Variants in DNAJB1 observed in about 807,000 individuals in gnomAD.
DNAJB1 encodes the protein DnaJ heat shock protein family (Hsp40) member B1.
DNAJB1 carries 14 observed loss-of-function variants against 24.0 expected under a neutral mutation model. That is an observed-to-expected ratio of 0.58 (90% CI 0.39 to 0.91). DNAJB1 has a LOEUF of 0.91. DNAJB1 is among the 40% of genes least tolerant of loss of function. The probability of loss-of-function intolerance (pLI) is 0.00; values close to 1 mark genes in which losing one functional copy is unlikely to be tolerated. For synonymous variants in DNAJB1, 262 were observed against 174.4 expected, an observed-to-expected ratio of 1.50 and a Z score of -3.96; for missense variants, 517 against 458.1, an observed-to-expected ratio of 1.13 and a Z score of -1.17.
intron 2 of DNAJB1, among the ~76,000 whole-genome samples, chr19:14,525,361 A>G (rs1348277966): frequency 6.6e-6 from 1 of 151,374 alleles, no homozygotes; most frequent in Non-Finnish European, 1.5e-5. Flanking sequence ...GAGTCTCATG[A>G]GCGAATGTTT....
intron 1 of DNAJB1, among the ~76,000 whole-genome samples, chr19:14,535,777 A>AAAAAAG (rs1051355864): frequency 7.0e-5 from 10 of 142,336 alleles, no homozygotes; most frequent in Non-Finnish European, 1.4e-4. Context: ...AAAAAAAAAA[A>AAAAAAG]GGGAAAGTGG....
At chr19:14,542,347 GTTTTTTT>G (rs71166754) in intron 1 of DNAJB1, among the ~76,000 whole-genome samples, 29 of 43,276 alleles carry the variant, frequency 6.7e-4, no homozygotes, top group African/African-American at 1.8e-3. Flanking sequence ...ATGCCATAGT[GTTTTTTT>G]TTTTTTTTTT....
chr19:14,543,411 ATATATATATTTTTTTTTTTTTTTT>A (rs1296141237), intron 1 of DNAJB1, among the ~76,000 whole-genome samples: 25 of 9,124 alleles, frequency 2.7e-3, no homozygotes, highest in African/African-American at 8.3e-3. Flanking sequence ...ATATATATAT[ATATATATATTTTTTTTTTTTTTTT>A]TTTTTTTTTT....
chr19:14,533,429 AAAG>A (rs2072748359), upstream of DNAJB1, among the ~76,000 whole-genome samples: 1 of 152,150 alleles, frequency 6.6e-6, no homozygotes, highest in African/African-American at 2.4e-5. Context: ...TCAAAAAAAA[AAAG>A]AAAAAAATCT....
At chr19:14,522,671 G>GACACAC (rs1185246122), upstream of DNAJB1, among the ~76,000 whole-genome samples, 1 of 63,040 alleles carries the variant, frequency 1.6e-5, no homozygotes, top group Admixed American at 1.7e-4. Context: ...CACAAACACA[G>GACACAC]ACACACACAC....
At position 14,518,165 on chromosome 19, in the gene DNAJB1, T is replaced by A. The variant is rs763763598; in HGVS notation, c.185A>T (p.Glu62Val). 6.3e-7 allele frequency: 1 copy of A among 1,584,840 alleles called. No individual in the cohort carries two copies. Among genetic ancestry groups the A allele is most frequent in the East Asian group, 2.4e-5 (1 of 41,756 alleles). Residue 62 changes from glutamate to valine, a missense_variant, in exon 1 of 3, where the codon GAG becomes GTG. Transcript: ENST00000254322. ...YDVLSDPRKR[E>V]IFDRYGEEGL... ...TTCCTCCCCGTAGCGGTCGAAGATC[T>A]CGCGCTTGCGCGGGTCGCTGAGCAC...
chr19:14,518,077 G>C (rs148620822), intron 1 of DNAJB1, 62 bp downstream of exon 1: 1 of 1,371,726 alleles, frequency 7.3e-7, no homozygotes, highest in African/African-American at 1.5e-5. Flanking sequence ...AGAGGGGCCA[G>C]CGTGCCTCAG....
At chr19:14,553,832 G>A (rs1014419954), upstream of DNAJB1, among the ~76,000 whole-genome samples, 1 of 152,138 alleles carries the variant, frequency 6.6e-6, no homozygotes, top group Non-Finnish European at 1.5e-5. Context: ...GCTTGTGCCC[G>A]GCGCGGGGAT....
rs113326487 is a variant in DNAJB1 at position 14,545,546 on chromosome 19, C to CAT, written c.-214+4660_-214+4661dup. 9.6e-3 allele frequency among the ~76,000 whole-genome samples: 1,468 copies of CAT among 152,306 alleles called. 21 individuals carry two copies. The highest frequency in any genetic ancestry group is 0.033 in the African/African-American group (1,392 of 41,568). ...AGCCTCTCTCAGTCGTGCGCACTGT[C>CAT]ATATCCCGGCCCTTGGATCGCTGCC... On this transcript the variant is annotated intron_variant, in intron 1 of 3. Coordinates refer to the DNAJB1 transcript ENST00000676982.
intron 1 of DNAJB1, among the ~76,000 whole-genome samples, chr19:14,544,584 G>A (rs2073238122): frequency 1.3e-5 from 2 of 151,358 alleles, no homozygotes; most frequent in South Asian, 4.2e-4. Flanking sequence ...AGAGGGTTCT[G>A]CTCTTCCATG....
At chr19:14,559,040 C>T (rs936634306) in intron 1 of DNAJB1, among the ~76,000 whole-genome samples, 9 of 152,078 alleles carry the variant, frequency 5.9e-5, no homozygotes, top group South Asian at 4.1e-4. Context: ...GTGTGGGGCG[C>T]GGAGCCCTCG....
chr19:14,553,013 G>A (rs1252684924), upstream of DNAJB1, among the ~76,000 whole-genome samples: 2 of 152,114 alleles, frequency 1.3e-5, no homozygotes, highest in East Asian at 3.9e-4. Context: ...GATGGGTGTA[G>A]GCTGTGGGTA....
chr19:14,532,749 A>T (rs1481895728), upstream of DNAJB1, among the ~76,000 whole-genome samples: 1 of 152,136 alleles, frequency 6.6e-6, no homozygotes, highest in Non-Finnish European at 1.5e-5. Flanking sequence ...GTAGGTCAGT[A>T]AAAATAGAAA....
chr19:14,547,234 T>C (rs531172163), intron 1 of DNAJB1, among the ~76,000 whole-genome samples: 1 of 152,346 alleles, frequency 6.6e-6, no homozygotes, highest in African/African-American at 2.4e-5. Flanking sequence ...GTCCTGTAAA[T>C]GTTTATGTAA....
intron 1 of DNAJB1, among the ~76,000 whole-genome samples, chr19:14,542,347 G>GGGTTTTTTTTTTTT (rs2073124658): frequency 4.6e-5 from 2 of 43,282 alleles, no homozygotes; most frequent in African/African-American, 1.6e-4. Flanking sequence ...ATGCCATAGT[G>GGGTTTTTTTTTTTT]TTTTTTTTTT....
chr19:14,520,605 G>A (rs561667311), upstream of DNAJB1, among the ~76,000 whole-genome samples: 3 of 152,308 alleles, frequency 2.0e-5, no homozygotes, highest in South Asian at 6.2e-4. Flanking sequence ...GACAACCCGG[G>A]AGGATGGGGC....
chr19:14,542,350 T>TTTTTTTTTTG (rs2073128107), intron 1 of DNAJB1, among the ~76,000 whole-genome samples: 1 of 65,684 alleles, frequency 1.5e-5, no homozygotes, highest in Non-Finnish European at 3.2e-5. Context: ...CCATAGTGTT[T>TTTTTTTTTTG]TTTTTTTTTT....
chr19:14,538,846 A>T (rs1219449927), intron 1 of DNAJB1, among the ~76,000 whole-genome samples: 1 of 151,552 alleles, frequency 6.6e-6, no homozygotes, highest in Non-Finnish European at 1.5e-5. Flanking sequence ...AAGCTTCAAA[A>T]CTTAATGAAG....
rs76769489 is a variant in DNAJB1 at position 14,546,941 on chromosome 19, C to T, written c.-214+3267G>A. On this transcript the variant is annotated intron_variant, in intron 1 of 3. Transcript: ENST00000676982. ...CTGACCTCAAGTGATCTGATCTGCC[C>T]GCCTTGGCCTCCCAAAGTGCTGGGA... Among the ~76,000 whole-genome samples the T allele has an allele frequency of 1.2e-3, 185 of 152,270 alleles. 1 individual carries two copies. Among genetic ancestry groups the T allele is most frequent in the African/African-American group, 3.9e-3 (164 of 41,552 alleles).
Sources: gnomAD v4.1 joint callset for allele counts (sites outside exome capture counted in the v4.1 genomes callset) on GRCh38, gnomAD v4.1.1 for gene constraint, MANE v1.5 for transcripts, NCBI Gene and HGNC (gene_info 2026-07-23, HGNC 2026-07-21) for gene names.